Variants in ZNF516 observed in about 807,000 individuals in gnomAD.
ZNF516 encodes the protein zinc finger protein 516.
A neutral mutation model predicts 79.7 loss-of-function variants in ZNF516; 19 were observed. That is an observed-to-expected ratio of 0.24 (90% CI 0.17 to 0.35). The LOEUF (loss-of-function observed/expected upper bound fraction) is 0.35. ZNF516 is among the 10% of genes least tolerant of loss of function. ZNF516 has a pLI of 1.00. For synonymous variants in ZNF516, 877 were observed against 739.5 expected, an observed-to-expected ratio of 1.19 and a Z score of -3.02; for missense variants, 1,678 against 1,679.5, an observed-to-expected ratio of 1.00 and a Z score of 0.02.
intron 2 of ZNF516, among the ~76,000 whole-genome samples, chr18:76,446,162 A>T (rs987666988): frequency 1.3e-5 from 2 of 152,038 alleles, no homozygotes; most frequent in Non-Finnish European, 2.9e-5. Context: ...TCAGGCACAG[A>T]GAAACAATAA....
intron 3 of ZNF516, among the ~76,000 whole-genome samples, chr18:76,418,243 T>A (rs1004449002): frequency 1.3e-5 from 2 of 151,734 alleles, no homozygotes; most frequent in Non-Finnish European, 2.9e-5. Context: ...TATCACACTA[T>A]AACACACTAA....
chr18:76,446,547 G>A (rs999956217), intron 2 of ZNF516, among the ~76,000 whole-genome samples: 1 of 152,276 alleles, frequency 6.6e-6, no homozygotes, highest in South Asian at 2.1e-4. Flanking sequence ...TCCAATCCTT[G>A]CACAGCCTTG....
intron 1 of ZNF516, among the ~76,000 whole-genome samples, chr18:76,489,570 C>G (rs1367416753): frequency 7.4e-6 from 1 of 134,446 alleles, no homozygotes; most frequent in Non-Finnish European, 1.5e-5. Flanking sequence ...ATTTTGGTCT[C>G]TGGGACAACA....
At chr18:76,469,708 G>A (rs895644446) in intron 1 of ZNF516, among the ~76,000 whole-genome samples, 2 of 152,080 alleles carry the variant, frequency 1.3e-5, no homozygotes, top group African/African-American at 4.8e-5. Context: ...GAAAGTCCTG[G>A]AATCTGAAAG....
intron 2 of ZNF516, among the ~76,000 whole-genome samples, chr18:76,458,162 G>A (rs1191947975): frequency 6.6e-6 from 1 of 152,082 alleles, no homozygotes; most frequent in East Asian, 1.9e-4. Context: ...ATAGCTTCTT[G>A]GAAACTGTAA....
intron 3 of ZNF516, among the ~76,000 whole-genome samples, chr18:76,390,834 C>A (rs1385476672): frequency 6.6e-6 from 1 of 152,198 alleles, no homozygotes; most frequent in Non-Finnish European, 1.5e-5. Context: ...AGGAACTTCA[C>A]ATCCATGACC....
intron 2 of ZNF516, among the ~76,000 whole-genome samples, chr18:76,449,985 G>T (rs570120840): frequency 6.6e-6 from 1 of 152,276 alleles, no homozygotes; most frequent in South Asian, 2.1e-4. Context: ...ACTCTTCGTA[G>T]AAATTAAACC....
At position 76,451,426 on chromosome 18, in the gene ZNF516, C is replaced by T. The variant is rs570829720; in HGVS notation, c.-157-8215G>A. ...ATTCCTCAGGAGGGGCTGGAGTGAACGGGAGGAATTGGGGAGGGAGGGAAA... is the reference window on the plus strand; with the variant it reads ...ATTCCTCAGGAGGGGCTGGAGTGAATGGGAGGAATTGGGGAGGGAGGGAAA... On this transcript the variant is annotated intron_variant, in intron 2 of 6. Coordinates refer to ENST00000443185, the MANE Select transcript of ZNF516 (RefSeq NM_014643.4). The surrounding 1 kb of genome is among the most constrained non-coding windows in gnomAD (Gnocchi z 6.0). 7.9e-5 allele frequency among the ~76,000 whole-genome samples: 12 copies of T among 152,096 alleles called. No homozygotes were observed. The highest frequency in any genetic ancestry group is 2.9e-4 in the African/African-American group (12 of 41,490).
intron 3 of ZNF516, among the ~76,000 whole-genome samples, chr18:76,439,463 C>T (rs1029099044): frequency 2.6e-4 from 39 of 152,164 alleles, no homozygotes; most frequent in African/African-American, 9.2e-4. Flanking sequence ...AACTATGATA[C>T]ATGTCTTGTT....
intron 3 of ZNF516, among the ~76,000 whole-genome samples, chr18:76,420,085 G>C (rs532587999): frequency 6.6e-6 from 1 of 152,342 alleles, no homozygotes; most frequent in African/African-American, 2.4e-5. Context: ...AGGTGCTTTT[G>C]TTTAGTAGGC....
chr18:76,374,930 G>A (rs933063730), intron 4 of ZNF516, among the ~76,000 whole-genome samples: 2 of 152,056 alleles, frequency 1.3e-5, no homozygotes, highest in East Asian at 3.9e-4. Flanking sequence ...AGGAAGGAAT[G>A]AAACAAGATT....
At chr18:76,490,958 G>C in intron 1 of ZNF516, 5 of 985,380 alleles carry the variant, frequency 5.1e-6, no homozygotes, top group Non-Finnish European at 6.0e-6. Context: ...CACACACGCA[G>C]AACACAAAAC....
chr18:76,460,770 G>C (rs1360318909), intron 2 of ZNF516, among the ~76,000 whole-genome samples: 1 of 152,206 alleles, frequency 6.6e-6, no homozygotes, highest in Non-Finnish European at 1.5e-5. Flanking sequence ...AAAAGCTACA[G>C]TGAAAATAAG....
chr18:76,422,048 T>C (rs946097119), intron 3 of ZNF516, among the ~76,000 whole-genome samples: 1 of 152,246 alleles, frequency 6.6e-6, no homozygotes, highest in Admixed American at 6.5e-5. Flanking sequence ...AATATCTCCA[T>C]GGCTACATGA....
intron 3 of ZNF516, among the ~76,000 whole-genome samples, chr18:76,412,249 G>GC (rs1354827093): frequency 6.6e-6 from 1 of 152,218 alleles, no homozygotes; most frequent in Non-Finnish European, 1.5e-5. Context: ...GACTGCTGCT[G>GC]CACTTCCAGG....
chr18:76,379,107 G>A lies in ZNF516; in HGVS notation c.3007C>T (p.Pro1003Ser). ...GAPPLPPREP[P>S]SKAAQELRTL... ...CTCAGCTCCTGGGCTGCCTTCGAGGGGGGCTCGCGGGGAGGTAGAGGAGGA... is the reference window on the plus strand; with the variant it reads ...CTCAGCTCCTGGGCTGCCTTCGAGGAGGGCTCGCGGGGAGGTAGAGGAGGA... The change falls in exon 4 of 7, where the codon CCC becomes TCC. Residue 1003 changes from proline to serine, a missense_variant. By Grantham distance (74) the Pro-to-Ser change is moderately conservative. Transcript: ENST00000443185. 1.2e-6 allele frequency: 2 copies of A among 1,611,772 alleles called. No individual in the cohort carries two copies. The highest frequency in any genetic ancestry group is 1.1e-5 in the South Asian group (1 of 91,088).
chr18:76,425,289 T>C (rs961194162), intron 3 of ZNF516, among the ~76,000 whole-genome samples: 1 of 152,224 alleles, frequency 6.6e-6, no homozygotes, highest in African/African-American at 2.4e-5. Flanking sequence ...ACGCCAGTAA[T>C]TCTTCAACAG....
chr18:76,441,351 G>T lies in ZNF516; in HGVS notation c.1704C>A (p.Pro568=). The change falls in exon 3 of 7, where the codon CCC becomes CCA. Residue 568 remains proline, a synonymous_variant. Transcript: ENST00000443185. ...CGGCACAGGCGGAGCCAGGGCTGCT[G>T]GGCTGGGAGGCCGAGTCACCCTCAC... ...SLSEGDSASQ[P]SSPGSACAAA... is the part of the protein sequence containing the mutation. 1 of 1,611,512 alleles carries T rather than the reference G, an allele frequency of 6.2e-7. No homozygotes were observed. Among genetic ancestry groups the T allele is most frequent in the South Asian group, 1.1e-5 (1 of 90,996 alleles).
intron 3 of ZNF516, chr18:76,387,845 C>T (rs1286099734): frequency 6.6e-6 from 1 of 152,322 alleles, no homozygotes; most frequent in Admixed American, 6.5e-5. Flanking sequence ...GCTTGGAAAC[C>T]TGCGGCCCTA....
Sources: gnomAD v4.1 joint callset for allele counts (sites outside exome capture counted in the v4.1 genomes callset) on GRCh38, gnomAD v4.1.1 for gene constraint, Gnocchi (gnomAD v3.1) non-coding constraint, MANE v1.5 for transcripts, NCBI Gene and HGNC (gene_info 2026-07-23, HGNC 2026-07-21) for gene names.